Variants in COL24A1 observed in about 807,000 individuals in gnomAD.
The protein encoded by COL24A1 is collagen alpha-1(XXIV) chain.
A neutral mutation model predicts 253.9 loss-of-function variants in COL24A1; 224 were observed. The observed-to-expected ratio is 0.88, with a 90% confidence interval of 0.79 to 0.99. The LOEUF (loss-of-function observed/expected upper bound fraction) is 0.99, where lower values mean the gene tolerates loss of function less well. Ranked by LOEUF, COL24A1 falls within the 50% of genes least tolerant of loss-of-function variation. The pLI, the probability that COL24A1 is intolerant of heterozygous loss-of-function variation, is 0.00. For synonymous variants in COL24A1, 685 were observed against 673.7 expected (o/e 1.02, Z -0.26); for missense variants, 2,131 against 2,068.5 (o/e 1.03, Z -0.59).
At chr1:85,822,181 T>C (rs944688190) in intron 45 of COL24A1, among the ~76,000 whole-genome samples, 13 of 152,172 alleles carry the variant, frequency 8.5e-5, no homozygotes, top group African/African-American at 3.1e-4. Context: ...AGTTACTGAA[T>C]AGATGCCAAG....
chr1:85,881,591 T>C (rs1193459689), intron 32 of COL24A1, among the ~76,000 whole-genome samples: 3 of 152,190 alleles, frequency 2.0e-5, no homozygotes, highest in African/African-American at 7.2e-5. Flanking sequence ...CGCCACTGCA[T>C]TCCAGCCTGG....
intron 5 of COL24A1, among the ~76,000 whole-genome samples, chr1:86,104,606 C>T (rs181514713): frequency 6.6e-6 from 1 of 152,178 alleles, no homozygotes; most frequent in Non-Finnish European, 1.5e-5. Flanking sequence ...ATAAGGCTGG[C>T]TCAGTCAACT....
At chr1:85,775,585 T>C in intron 53 of COL24A1, 89 bp downstream of exon 53, 1 of 1,068,086 alleles carries the variant, frequency 9.4e-7, no homozygotes, top group South Asian at 1.5e-5. Context: ...AGAGACATAA[T>C]AATGGATAAC....
intron 19 of COL24A1, among the ~76,000 whole-genome samples, chr1:86,005,367 A>C (rs1042600820): frequency 6.6e-6 from 1 of 151,764 alleles, no homozygotes; most frequent in Non-Finnish European, 1.5e-5. Flanking sequence ...AAGCTCCATA[A>C]AGTAAAAAAA....
At chr1:86,015,114 A>C (rs1342508814) in intron 19 of COL24A1, among the ~76,000 whole-genome samples, 3 of 152,238 alleles carry the variant, frequency 2.0e-5, no homozygotes, top group African/African-American at 7.2e-5. Flanking sequence ...TAAAAGCCTA[A>C]TGTTGACAAG....
chr1:85,784,089 C>G, intron 50 of COL24A1, 24 bp downstream of exon 50: 1 of 1,580,556 alleles, frequency 6.3e-7, no homozygotes, highest in Non-Finnish European at 8.7e-7. Context: ...AGCTAGAAGA[C>G]TAGAAGAAAG....
chr1:85,893,010 G>A (rs965914318), intron 31 of COL24A1, among the ~76,000 whole-genome samples: 5 of 152,056 alleles, frequency 3.3e-5, no homozygotes, highest in Middle Eastern at 3.4e-3. Context: ...CATCAATTAC[G>A]TATCAATAAT....
At chr1:85,982,958 G>A (rs1007381344) in intron 20 of COL24A1, among the ~76,000 whole-genome samples, 1 of 151,938 alleles carries the variant, frequency 6.6e-6, no homozygotes, top group Non-Finnish European at 1.5e-5. Context: ...AGTAATCTTA[G>A]AAAACTGTGT....
At chr1:85,835,219 C>T (rs1675863473) in intron 43 of COL24A1, among the ~76,000 whole-genome samples, 1 of 152,044 alleles carries the variant, frequency 6.6e-6, no homozygotes, top group African/African-American at 2.4e-5. Context: ...TCTGCCTCTG[C>T]CTCCCGGGTT....
At chr1:86,100,533 T>A (rs1704355471) in intron 5 of COL24A1, among the ~76,000 whole-genome samples, 1 of 152,134 alleles carries the variant, frequency 6.6e-6, no homozygotes, top group Non-Finnish European at 1.5e-5. Flanking sequence ...TCCTTGAAAT[T>A]TCCTGAGTGA....
intron 45 of COL24A1, among the ~76,000 whole-genome samples, chr1:85,819,608 G>C (rs996510834): frequency 5.9e-5 from 9 of 151,910 alleles, no homozygotes; most frequent in African/African-American, 1.7e-4. Flanking sequence ...GTCTATCTTT[G>C]AGTTAAAAAC....
chr1:85,841,209 GA>G lies in COL24A1; in HGVS notation c.3627+12del, dbSNP rs1558345487. The G allele has an allele frequency of 1.9e-6, 3 of 1,584,220 alleles. No individual in the cohort carries two copies. Among genetic ancestry groups the G allele is most frequent in the Non-Finnish European group, 2.6e-6 (3 of 1,162,602 alleles). On this transcript the variant is annotated intron_variant, in intron 42 of 59. Coordinates refer to ENST00000370571, the MANE Select transcript of COL24A1 (RefSeq NM_152890.7). ...ATCTTGAATAACCAGAATTATTTCAGAAAAAGACCTACTGGTTCACCTCGAG... is the reference window on the plus strand; with the variant it reads ...ATCTTGAATAACCAGAATTATTTCAGAAAAGACCTACTGGTTCACCTCGAG...
At chr1:85,732,270 G>T (rs551444012) in intron 59 of COL24A1, among the ~76,000 whole-genome samples, 1 of 148,176 alleles carries the variant, frequency 6.7e-6, no homozygotes, top group African/African-American at 2.5e-5. Context: ...TCACTCGGTC[G>T]CCCAGCTGGA....
rs1053836923 is a variant in COL24A1, at chr1:86,156,661, G to A, written c.-265C>T. Reference sequence around the variant, plus strand: ...GTTGCGCTCCCCGGGGAGGGCGGGCGAGGAGGTAAACCTCACTGGGAGGCC... The same window carrying A: ...GTTGCGCTCCCCGGGGAGGGCGGGCAAGGAGGTAAACCTCACTGGGAGGCC... On this transcript the variant is annotated 5_prime_UTR_variant, in exon 1 of 60. Transcript: ENST00000370571. 1.5e-5 allele frequency: 5 copies of A among 336,218 alleles called. No homozygotes were observed. The highest frequency in any genetic ancestry group is 2.7e-5 in the Non-Finnish European group (5 of 186,028). 20.8% of individuals were successfully genotyped at this position (336,218 alleles called of 1,614,324 possible). A position where few individuals can be genotyped will look rare whatever the true frequency, so the allele number is the denominator to read the frequency against.
intron 24 of COL24A1, among the ~76,000 whole-genome samples, chr1:85,913,319 G>A (rs1285851837): frequency 1.3e-5 from 2 of 152,086 alleles, no homozygotes; most frequent in African/African-American, 4.8e-5. Context: ...GCAGGGTTGG[G>A]GCAAGACTTT....
At chr1:85,990,055 C>T (rs760652669) in intron 19 of COL24A1, among the ~76,000 whole-genome samples, 58 of 152,290 alleles carry the variant, frequency 3.8e-4, no homozygotes, top group Non-Finnish European at 4.4e-4. Flanking sequence ...ATGCCTGATA[C>T]ACAGTAAGTG....
At chr1:85,965,972 G>A (rs1691532333) in intron 22 of COL24A1, among the ~76,000 whole-genome samples, 4 of 152,158 alleles carry the variant, frequency 2.6e-5, no homozygotes. Context: ...GGAAGCCTCA[G>A]ACAACTTTAA....
At chr1:85,979,561 C>T (rs561294883) in intron 20 of COL24A1, among the ~76,000 whole-genome samples, 12 of 152,058 alleles carry the variant, frequency 7.9e-5, no homozygotes, top group Admixed American at 2.0e-4. Flanking sequence ...AACACCTTTA[C>T]GCACACAAAC....
At chr1:86,131,652 GT>G (rs1207814797) in intron 2 of COL24A1, among the ~76,000 whole-genome samples, 1 of 151,694 alleles carries the variant, frequency 6.6e-6, no homozygotes, top group Non-Finnish European at 1.5e-5. Context: ...GAGAATGATG[GT>G]TTCCAGCTTC....
Sources: allele counts gnomAD v4.1 joint callset (sites outside exome capture counted in the v4.1 genomes callset), GRCh38; gene constraint gnomAD v4.1.1; transcripts MANE v1.5; gene names NCBI Gene and HGNC (gene_info 2026-07-23, HGNC 2026-07-21).